Variants in AMH observed in about 807,000 individuals in gnomAD.
AMH encodes anti-Mullerian hormone, also known as anti-Muellerian hormone.
Under a neutral mutation model 33.3 loss-of-function variants are expected in AMH, and 39 were observed. The ratio of observed to expected loss-of-function variants is 1.17; its 90% CI spans 0.91 to 1.53. The LOEUF (loss-of-function observed/expected upper bound fraction) is 1.53. Ranked by LOEUF, AMH falls within the 40% of genes most tolerant of loss-of-function variation. The pLI, the probability that AMH is intolerant of heterozygous loss-of-function variation, is 0.00. For missense variants in AMH, 1,019 were observed against 799.8 expected (o/e 1.27, Z -3.30); for synonymous variants, 536 against 403.0 (o/e 1.33, Z -3.95).
At position 2,251,192 on chromosome 19, in the gene AMH, C is replaced by T. The variant is rs1270017900; in HGVS notation, c.918C>T (p.Ala306=). ...RLVRALRVPP[A]RASAPRLALD... is the part of the protein sequence containing the mutation. Reference sequence around the variant, plus strand: ...TGCGGGCGCTGCGGGTCCCCCCGGCCCGGGCCTCCGCGCCGCGCCTGGCCC... The same window carrying T: ...TGCGGGCGCTGCGGGTCCCCCCGGCTCGGGCCTCCGCGCCGCGCCTGGCCC... The change falls in exon 5 of 5, where the codon GCC becomes GCT. Residue 306 remains alanine, a synonymous_variant. Transcript: ENST00000221496. The T allele has an allele frequency of 1.3e-6, 2 of 1,507,890 alleles. No homozygotes were observed. The highest frequency in any genetic ancestry group is 2.5e-5 in the South Asian group (2 of 81,076). The allele number at this position is 1,507,890 out of a possible 1,614,324, so 93.4% of individuals were successfully genotyped here.
rs374418184 is a variant in AMH, at chr19:2,250,303, A to G, written c.413-34A>G. 3,380 of 1,575,416 alleles carry G rather than the reference A, an allele frequency of 2.1e-3. 33 individuals are homozygous for G. Among genetic ancestry groups the G allele is most frequent in the Non-Finnish European group, 1.5e-3 (1,704 of 1,167,302 alleles). On this transcript the variant is annotated intron_variant, in intron 1 of 4. Coordinates refer to ENST00000221496, the MANE Select transcript of AMH (RefSeq NM_000479.5). ...AGATTCCCGGGGGGTGTGGCCTTCA[A>G]TGGCTCAGGCGTCCCCTGCTGTCCC...
chr19:2,251,005 C>T lies in AMH; in HGVS notation c.821C>T (p.Pro274Leu), dbSNP rs771597672. The change falls in exon 4 of 5, where the codon CCC becomes CTC. Residue 274 changes from proline to leucine, a missense_variant. Transcript: ENST00000221496. Reference sequence around the variant, plus strand: ...CTGGACACCGTGCCCTTCCCGCCGCCCAGGTGCGCGCAGGCACCGGGACAC... The same window carrying T: ...CTGGACACCGTGCCCTTCCCGCCGCTCAGGTGCGCGCAGGCACCGGGACAC... ...GQLDTVPFPP[P>L]RPSAELEESP... 4.6e-6 allele frequency: 7 copies of T among 1,514,864 alleles called. 1 individual carries two copies. The South Asian group carries it at 6.1e-5, about 13-fold the overall frequency. 93.8% of individuals were successfully genotyped at this position (1,514,864 alleles called of 1,614,324 possible). A position where few individuals can be genotyped will look rare whatever the true frequency, so the allele number is the denominator to read the frequency against.
At position 2,251,610 on chromosome 19, in the gene AMH, C is replaced by T; in HGVS notation, c.1336C>T (p.Pro446Ser). Residue 446 changes from proline to serine, a missense_variant, in exon 5 of 5, where the codon CCG (proline) becomes TCG (serine). By Grantham distance (74) the Pro-to-Ser change is moderately conservative (BLOSUM62 -1). Coordinates refer to ENST00000221496, the MANE Select transcript of AMH (RefSeq NM_000479.5). ...GTGGCGCGGGCGGGATCCGCGCGGG[C>T]CGGGTCGGGCACAGCGCAGCGCGGG... is the stretch of plus-strand genomic sequence containing the variant. ...VEWRGRDPRG[P>S]GRAQRSAGAT... 7.5e-7 allele frequency: 1 copy of T among 1,327,952 alleles called. No homozygotes were observed. The allele number at this position is 1,327,952 out of a possible 1,614,324, so 82.3% of individuals were successfully genotyped here.
At position 2,251,903 on chromosome 19, in the gene AMH, C is replaced by T. The variant is rs780065671; in HGVS notation, c.1629C>T (p.Arg543=). The T allele has an allele frequency of 5.1e-6, 8 of 1,565,568 alleles. No homozygotes were observed. Among genetic ancestry groups the T allele is most frequent in the South Asian group, 2.3e-5 (2 of 87,290 alleles). ...GKLLISLSEE[R]ISAHHVPNMV... ...TGCTCATCAGCCTGTCGGAGGAGCG[C>T]ATCAGCGCGCACCACGTGCCCAACA... Residue 543 remains arginine, a synonymous_variant, in exon 5 of 5, where the codon CGC becomes CGT. Transcript: ENST00000221496.
intron 2 of AMH, 75 bp downstream of exon 2, chr19:2,250,554 G>C: frequency 1.3e-6 from 2 of 1,539,358 alleles, no homozygotes; most frequent in Non-Finnish European, 1.7e-6. Context: ...CTGCAGTACT[G>C]AGAACAGCGT....
chr19:2,249,972 A>G, intron 1 of AMH: 1 of 629,184 alleles, frequency 1.6e-6, no homozygotes, highest in Non-Finnish European at 2.7e-6. Context: ...CCAGGGAGAG[A>G]GCTGCTGCCT....
At chr19:2,251,074 C>G (rs751285539) in intron 4 of AMH, 25 bp from the exon 5 acceptor site, 7 of 1,535,842 alleles carry the variant, frequency 4.6e-6, no homozygotes, top group South Asian at 1.2e-5. Context: ...TGGCCGCTCT[C>G]AACTCCTCCA....
chr19:2,251,072 C>A, intron 4 of AMH, 27 bp from the exon 5 acceptor site: 1 of 1,534,890 alleles, frequency 6.5e-7, no homozygotes, highest in African/African-American at 1.4e-5. Flanking sequence ...CGTGGCCGCT[C>A]TCAACTCCTC....
chr19:2,250,956 G>A lies in AMH; in HGVS notation c.772G>A (p.Ala258Thr), dbSNP rs1599138181. The part of the protein sequence containing the change: ...ALLLLPRSEP[A>T]PLPAHGQLDT... The stretch of plus-strand genomic sequence containing the variant: ...GCTCCTGCTGCCGCGGTCCGAGCCC[G>A]CGCCGCTGCCTGCGCACGGCCAGCT... The change falls in exon 4 of 5, where the codon GCG becomes ACG. Residue 258 changes from alanine to threonine, a missense_variant. Transcript: ENST00000221496. The A allele has an allele frequency of 1.3e-6, 2 of 1,524,810 alleles. No individual in the cohort carries two copies. The highest frequency in any genetic ancestry group is 8.7e-7 in the Non-Finnish European group (1 of 1,143,918). The allele number at this position is 1,524,810 out of a possible 1,614,324, so 94.5% of individuals were successfully genotyped here.
In AMH at chr19:2,249,700, G is replaced by A. The variant is rs537290157; in HGVS notation, c.368G>A (p.Arg123Gln). The A allele has an allele frequency of 3.6e-4, 541 of 1,503,208 alleles. 5 individuals are homozygous for A. The East Asian group carries it at 0.012, about 32-fold the overall frequency. The allele number at this position is 1,503,208 out of a possible 1,614,324, so 93.1% of individuals were successfully genotyped here. ...CTACGGCGGCTGGGGGCCTGGCTGC[G>A]GGACCCTGGGGGGCAGCGCCTGGTG... Reference protein sequence around the residue: ...PSLRRLGAWLRDPGGQRLVVL... With the variant: ...PSLRRLGAWLQDPGGQRLVVL... The change falls in exon 1 of 5, where the codon CGG (arginine) becomes CAG (glutamine). Residue 123 changes from arginine (R) to glutamine (Q), a missense_variant. Arg to Gln is a conservative substitution (Grantham distance 43). Coordinates refer to ENST00000221496, the MANE Select transcript of AMH (RefSeq NM_000479.5).
At position 2,251,348 on chromosome 19, in the gene AMH, G is replaced by A; in HGVS notation, c.1074G>A (p.Gly358=). 1 of 1,492,568 alleles carries A rather than the reference G, an allele frequency of 6.7e-7. No individual in the cohort carries two copies. The highest frequency in any genetic ancestry group is 2.8e-5 in the East Asian group (1 of 35,654). 92.5% of individuals were successfully genotyped at this position (1,492,568 alleles called of 1,614,324 possible). A position where few individuals can be genotyped will look rare whatever the true frequency, so the allele number is the denominator to read the frequency against. ...LLLRPTAATT[G]DPAPLHDPTS... ...TGAGGCCCACTGCGGCCACCACCGG[G>A]GATCCTGCGCCCCTGCACGACCCCA... is the stretch of plus-strand genomic sequence containing the variant. The change falls in exon 5 of 5, where the codon GGG becomes GGA. Residue 358 remains glycine (G), a synonymous_variant. Transcript: ENST00000221496.
rs1190000280 is a variant in AMH, at chr19:2,250,921, C to A, written c.737C>A (p.Thr246Asn). 6 of 1,562,620 alleles carry A rather than the reference C, an allele frequency of 3.8e-6. No homozygotes were observed. Among genetic ancestry groups the A allele is most frequent in the Admixed American group, 1.8e-5 (1 of 55,460 alleles). Residue 246 changes from threonine to asparagine, a missense_variant, in exon 4 of 5, where the codon ACC becomes AAC. Physicochemically the swap from Thr to Asn is moderately conservative, Grantham distance 65 (BLOSUM62 0). Coordinates refer to ENST00000221496, the MANE Select transcript of AMH (RefSeq NM_000479.5). ...GACCACCGCTGCTTCACACGGATGACCCCGGCCCTGCTCCTGCTGCCGCGG... is the reference window on the plus strand; with the variant it reads ...GACCACCGCTGCTTCACACGGATGAACCCGGCCCTGCTCCTGCTGCCGCGG... ...GDDHRCFTRM[T>N]PALLLLPRSE...
rs2145032305 is a variant in AMH at position 2,251,612 on chromosome 19, G to A, written c.1338G>A (p.Pro446=). The change falls in exon 5 of 5, where the codon CCG becomes CCA. Residue 446 remains proline, a synonymous_variant. Transcript: ENST00000221496. ...VEWRGRDPRG[P]GRAQRSAGAT... ...GGCGCGGGCGGGATCCGCGCGGGCCGGGTCGGGCACAGCGCAGCGCGGGGG... is the reference window on the plus strand; with the variant it reads ...GGCGCGGGCGGGATCCGCGCGGGCCAGGTCGGGCACAGCGCAGCGCGGGGG... 1 of 1,351,592 alleles carries A rather than the reference G, an allele frequency of 7.4e-7. No individual in the cohort carries two copies. The allele number at this position is 1,351,592 out of a possible 1,614,324, so 83.7% of individuals were successfully genotyped here.
rs757212843 is a variant in AMH at position 2,249,450 on chromosome 19, C to T, written c.118C>T (p.Arg40Ter). ...TGTGGGCACCAGTGGCCTCATCTTC[C>T]GAGAAGACTTGGACTGGCCTCCAGG... ...PAVGTSGLIF[R>*]EDLDWPPGSP... The change falls in exon 1 of 5, where the codon CGA becomes TGA. Residue 40 changes from arginine to a stop codon, truncating the protein, a stop_gained. Coordinates refer to ENST00000221496, the MANE Select transcript of AMH (RefSeq NM_000479.5). LOFTEE classifies it high-confidence loss of function. 1.9e-5 allele frequency: 31 copies of T among 1,604,862 alleles called. No individual in the cohort carries two copies. The highest frequency in any genetic ancestry group is 4.0e-5 in the African/African-American group (3 of 74,742).
At position 2,250,559 on chromosome 19, in the gene AMH, C is replaced by T. The variant is rs1224449554; in HGVS notation, c.555+80C>T. ...GTTGCAGGGTCTGCAGTACTGAGAA[C>T]AGCGTAGAACCAGTGGCGATGGGAG... is the stretch of plus-strand genomic sequence containing the variant. On this transcript the variant is annotated intron_variant, in intron 2 of 4. Coordinates refer to ENST00000221496, the MANE Select transcript of AMH (RefSeq NM_000479.5). The T allele has an allele frequency of 3.2e-6, 5 of 1,538,562 alleles. No homozygotes were observed. In the Admixed American group the frequency reaches 7.8e-5, roughly 24 times the overall value.
At position 2,251,267 on chromosome 19, in the gene AMH, G is replaced by A. The variant is rs2145030937; in HGVS notation, c.993G>A (p.Ser331=). The A allele has an allele frequency of 8.0e-6, 12 of 1,505,184 alleles. No homozygotes were observed. The highest frequency in any genetic ancestry group is 2.7e-5 in the East Asian group (1 of 37,252). 93.2% of individuals were successfully genotyped at this position (1,505,184 alleles called of 1,614,324 possible). Residue 331 remains serine, a synonymous_variant, in exon 5 of 5, where the codon TCG becomes TCA. Coordinates refer to ENST00000221496, the MANE Select transcript of AMH (RefSeq NM_000479.5). The part of the protein sequence containing the change: ...AGFPQGLVNL[S]DPAALERLLD... ...TCCCGCAGGGCCTAGTCAACCTGTCGGACCCCGCGGCGCTGGAGCGCCTAC... is the reference window on the plus strand; with the variant it reads ...TCCCGCAGGGCCTAGTCAACCTGTCAGACCCCGCGGCGCTGGAGCGCCTAC...
Position 2,249,679 on chromosome 19 carries a change from G to T in AMH, c.347G>T (p.Arg116Leu). 1.3e-6 allele frequency: 2 copies of T among 1,500,190 alleles called. No homozygotes were observed. The highest frequency in any genetic ancestry group is 1.4e-5 in the African/African-American group (1 of 71,684). The allele number at this position is 1,500,190 out of a possible 1,614,324, so 92.9% of individuals were successfully genotyped here. A position where few individuals can be genotyped will look rare whatever the true frequency, so the allele number is the denominator to read the frequency against. ...AGGCAGGCTGCCTTGCCCTCTCTAC[G>T]GCGGCTGGGGGCCTGGCTGCGGGAC... ...GDRQAALPSL[R>L]RLGAWLRDPG... The change falls in exon 1 of 5, where the codon CGG becomes CTG. Residue 116 changes from arginine to leucine, a missense_variant. Physicochemically the swap from Arg to Leu is moderately radical, Grantham distance 102. Coordinates refer to ENST00000221496, the MANE Select transcript of AMH (RefSeq NM_000479.5).
rs771217153 is a variant in AMH, at chr19:2,251,786, C to A, written c.1512C>A (p.Gly504=). Residue 504 remains glycine (G), a synonymous_variant, in exon 5 of 5, where the codon GGC becomes GGA. Coordinates refer to ENST00000221496, the MANE Select transcript of AMH (RefSeq NM_000479.5). ...AGTCCGACCGCAACCCGCGCTACGG[C>A]AACCACGTGGTGCTGCTGCTGAAGA... ...WPQSDRNPRY[G]NHVVLLLKMQ... 3.7e-6 allele frequency: 6 copies of A among 1,610,046 alleles called. No individual in the cohort carries two copies. The highest frequency in any genetic ancestry group is 3.3e-5 in the Admixed American group (2 of 59,966).
chr19:2,251,416 C>A lies in AMH; in HGVS notation c.1142C>A (p.Ala381Asp). 1 of 1,446,252 alleles carries A rather than the reference C, an allele frequency of 6.9e-7. No homozygotes were observed. The highest frequency in any genetic ancestry group is 9.0e-7 in the Non-Finnish European group (1 of 1,105,396). The allele number at this position is 1,446,252 out of a possible 1,614,324, so 89.6% of individuals were successfully genotyped here. A position where few individuals can be genotyped will look rare whatever the true frequency, so the allele number is the denominator to read the frequency against. The change falls in exon 5 of 5, where the codon GCT (alanine) becomes GAT (aspartate). Residue 381 changes from alanine to aspartate, a missense_variant. By Grantham distance (126) the Ala-to-Asp change is moderately radical. Transcript: ENST00000221496. ...WATALARRVA[A>D]ELQAAAAELR... ...ACGGCCCTGGCGCGCCGCGTGGCTG[C>A]TGAACTGCAAGCGGCGGCTGCCGAG...
Sources: gnomAD v4.1 joint callset for allele counts on GRCh38, gnomAD v4.1.1 for gene constraint, MANE v1.5 for transcripts, NCBI Gene and HGNC (gene_info 2026-07-23, HGNC 2026-07-21) for gene names.